Variants in SRGAP2B observed in about 807,000 individuals in gnomAD.
SRGAP2B encodes the protein SLIT-ROBO Rho GTPase activating protein 2B.
In SRGAP2B, 9 loss-of-function variants were observed where a neutral mutation model predicts 22.2. The ratio of observed to expected loss-of-function variants is 0.41; its 90% CI spans 0.24 to 0.71. The LOEUF (loss-of-function observed/expected upper bound fraction) is 0.71. Among genes scored for constraint, SRGAP2B ranks in the 30% least tolerant of loss-of-function variants. The probability of loss-of-function intolerance (pLI) is 0.35; values close to 1 mark genes in which losing one functional copy is unlikely to be tolerated. For missense variants in SRGAP2B, 114 were observed against 235.8 expected (o/e 0.48, Z 3.38); for synonymous variants, 36 against 87.4 (o/e 0.41, Z 3.28).
At chr1:144,932,431 C>T (rs1553605816) in intron 4 of SRGAP2B, among the ~76,000 whole-genome samples, 1 of 151,166 alleles carries the variant, frequency 6.6e-6, no homozygotes, top group East Asian at 1.9e-4. Context: ...GTCAGTTCCG[C>T]ATTCCTCCTG....
At chr1:144,995,024 T>C (rs1553618199) in exon 3 of SRGAP2B, 1 of 1,540,838 alleles carries the variant, frequency 6.5e-7, no homozygotes, top group South Asian at 1.2e-5. Context: ...TGCTGGTCCT[T>C]GGTGCTGCAT....
intron 7 of SRGAP2B, among the ~76,000 whole-genome samples, chr1:144,902,743 CAG>C (rs1485452413): frequency 7.4e-6 from 1 of 134,308 alleles, no homozygotes; most frequent in African/African-American, 2.9e-5. Flanking sequence ...GCCTGGGCGA[CAG>C]AGAGAGACTC....
intron 3 of SRGAP2B, among the ~76,000 whole-genome samples, chr1:144,990,783 T>C (rs1670128271): frequency 6.6e-6 from 1 of 151,262 alleles, no homozygotes. Flanking sequence ...ATGGGGGACT[T>C]AGCACCCGGG....
At chr1:144,993,521 C>G (rs1270429673) in intron 3 of SRGAP2B, among the ~76,000 whole-genome samples, 1 of 150,188 alleles carries the variant, frequency 6.7e-6, no homozygotes. Context: ...GGCAACATAG[C>G]GAAACCCTGT....
chr1:144,932,421 G>A lies in SRGAP2B; in HGVS notation c.424-17667C>T, dbSNP rs1553344263. Among the ~76,000 whole-genome samples, 32 of 151,228 alleles carry A rather than the reference G, an allele frequency of 2.1e-4. 2 individuals carry two copies. The highest frequency in any genetic ancestry group is 6.2e-4 in the South Asian group (3 of 4,812). On this transcript the variant is annotated intron_variant, in intron 4 of 9. Coordinates refer to ENST00000612199, the Ensembl canonical transcript of SRGAP2B. Reference sequence around the variant, plus strand: ...TCTAGCTTGTAGATGGGGTGGACTCGTCAGTTCCGCATTCCTCCTGGCATT... The same window carrying A: ...TCTAGCTTGTAGATGGGGTGGACTCATCAGTTCCGCATTCCTCCTGGCATT...
chr1:145,012,539 AAAAGG>A (rs1288899382), intron 2 of SRGAP2B, among the ~76,000 whole-genome samples: 2 of 97,398 alleles, frequency 2.1e-5, no homozygotes, highest in Non-Finnish European at 3.9e-5. Context: ...TGATAGCTAC[AAAAGG>A]ATTCACAATG....
chr1:144,970,760 T>C (rs1466366751), intron 3 of SRGAP2B, among the ~76,000 whole-genome samples: 1 of 149,060 alleles, frequency 6.7e-6, no homozygotes, highest in Non-Finnish European at 1.5e-5. Flanking sequence ...TAAACAAAAA[T>C]GAATAACTGT....
intron 2 of SRGAP2B, among the ~76,000 whole-genome samples, chr1:144,998,519 C>T (rs1338686005): frequency 6.8e-6 from 1 of 147,672 alleles, no homozygotes; most frequent in Non-Finnish European, 1.5e-5. Context: ...GATATGACAC[C>T]ATGAGCATCT....
At chr1:144,973,102 C>T (rs1323911217) in intron 3 of SRGAP2B, among the ~76,000 whole-genome samples, 1 of 146,872 alleles carries the variant, frequency 6.8e-6, no homozygotes, top group African/African-American at 2.6e-5. Context: ...AGTGAGACCC[C>T]ATCTCAACAA....
chr1:144,924,668 C>T lies in SRGAP2B; in HGVS notation c.424-9914G>A, dbSNP rs1282532522. On this transcript the variant is annotated intron_variant, in intron 4 of 9. Transcript: ENST00000612199. ...AATGGCGTGAACCCGGGAGGCGGAG[C>T]TTGCAGTGAGCCAAGATCGCACCAC... Among the ~76,000 whole-genome samples, 6 of 150,238 alleles carry T rather than the reference C, an allele frequency of 4.0e-5. No individual in the cohort carries two copies. The East Asian group carries it at 1.2e-3, about 29-fold the overall frequency.
At chr1:144,971,056 A>G (rs1226045918) in intron 3 of SRGAP2B, among the ~76,000 whole-genome samples, 31 of 150,620 alleles carry the variant, frequency 2.1e-4, no homozygotes, top group Admixed American at 6.6e-4. Flanking sequence ...AGACAAATAC[A>G]TCTCAAAATT....
chr1:144,998,521 T>G (rs1670866094), intron 2 of SRGAP2B, among the ~76,000 whole-genome samples: 1 of 146,186 alleles, frequency 6.8e-6, no homozygotes, highest in African/African-American at 2.6e-5. Context: ...TATGACACCA[T>G]GAGCATCTCC....
At chr1:144,939,470 C>T (rs1447595699) in intron 4 of SRGAP2B, among the ~76,000 whole-genome samples, 2 of 146,970 alleles carry the variant, frequency 1.4e-5, no homozygotes, top group African/African-American at 5.2e-5. Flanking sequence ...CATTACATTG[C>T]TATCTAAATT....
At chr1:144,987,218 C>G (rs1432869080) in intron 3 of SRGAP2B, among the ~76,000 whole-genome samples, 1 of 151,958 alleles carries the variant, frequency 6.6e-6, no homozygotes, top group African/African-American at 2.4e-5. Context: ...GCTGATTGTC[C>G]CCCAATATTT....
At chr1:144,968,713 G>A (rs1668265868) in intron 3 of SRGAP2B, among the ~76,000 whole-genome samples, 1 of 110,304 alleles carries the variant, frequency 9.1e-6, no homozygotes, top group African/African-American at 3.8e-5. Context: ...GTCCCTGTTT[G>A]CAGATGACAT....
intron 3 of SRGAP2B, among the ~76,000 whole-genome samples, chr1:144,970,249 A>G (rs1226156411): frequency 1.6e-5 from 2 of 121,574 alleles, no homozygotes; most frequent in African/African-American, 3.5e-5. Flanking sequence ...AACCAACCCA[A>G]ATGTCCAACA....
chr1:144,987,532 G>A (rs1359443598), intron 3 of SRGAP2B, among the ~76,000 whole-genome samples: 6 of 150,578 alleles, frequency 4.0e-5, no homozygotes, highest in Non-Finnish European at 8.9e-5. Flanking sequence ...AGCCCTGGAT[G>A]GCTAACACCT....
At chr1:145,073,167 T>C (rs1652272311) in intron 2 of SRGAP2B, among the ~76,000 whole-genome samples, 1 of 150,302 alleles carries the variant, frequency 6.7e-6, no homozygotes, top group African/African-American at 2.5e-5. Flanking sequence ...AAGTGAAAGG[T>C]AAGAAGCTGC....
intron 2 of SRGAP2B, among the ~76,000 whole-genome samples, chr1:145,047,054 T>C (rs1218475725): frequency 6.9e-6 from 1 of 144,096 alleles, no homozygotes; most frequent in Admixed American, 6.9e-5. Context: ...TGGGTGCCTG[T>C]AGTCCCAGCT....
Sources: allele counts gnomAD v4.1 joint callset (sites outside exome capture counted in the v4.1 genomes callset), GRCh38; gene constraint gnomAD v4.1.1; transcripts MANE v1.5; gene names NCBI Gene and HGNC (gene_info 2026-07-23, HGNC 2026-07-21).